STXBP2: variants seen among roughly 807,000 people sequenced by gnomAD.
STXBP2 encodes syntaxin-binding protein 2.
Under a neutral mutation model 72.2 loss-of-function variants are expected in STXBP2, and 47 were observed. The ratio of observed to expected loss-of-function variants is 0.65; its 90% CI spans 0.51 to 0.83. The LOEUF (loss-of-function observed/expected upper bound fraction) is 0.83. Among genes scored for constraint, STXBP2 ranks in the 40% least tolerant of loss-of-function variants. The pLI is 0.00. For missense variants in STXBP2, 702 were observed against 807.6 expected, an observed-to-expected ratio of 0.87 and a Z score of 1.58; for synonymous variants, 367 against 338.7, an observed-to-expected ratio of 1.08 and a Z score of -0.92.
In STXBP2 at chr19:7,638,683, C is replaced by G. The variant is rs1310337493; in HGVS notation, c.38-43C>G. The G allele has an allele frequency of 5.6e-6, 9 of 1,608,542 alleles. No homozygotes were observed. The South Asian group carries it at 9.9e-5, about 18-fold the overall frequency. On this transcript the variant is annotated intron_variant, in intron 1 of 18. Coordinates refer to ENST00000221283, the MANE Select transcript of STXBP2 (RefSeq NM_006949.4). ...GAGAAGGCTTGGGGCAGTGGTGGGA[C>G]CAGAGAACCAGCATTCTGACCCCTC...
chr19:7,641,295 G>C (rs931806644), intron 6 of STXBP2: 2 of 503,412 alleles, frequency 4.0e-6, no homozygotes, highest in East Asian at 7.6e-5. Flanking sequence ...GCTTGAGCCC[G>C]GGAGGTCGAG....
intron 15 of STXBP2, chr19:7,645,887 C>T (rs1254469395): frequency 1.5e-5 from 6 of 388,150 alleles, no homozygotes; most frequent in Admixed American, 4.7e-5. Flanking sequence ...GTCTTGCTCC[C>T]CTCCCCTCTC....
At chr19:7,636,223 A>T (rs2031527452), upstream of STXBP2, 2 of 152,212 alleles carry the variant, frequency 1.3e-5, no homozygotes, top group African/African-American at 2.4e-5. Flanking sequence ...GGCCGAGCGA[A>T]GGAACCAGCT....
intron 3 of STXBP2, 134 bp downstream of exon 3, chr19:7,639,234 AC>A: frequency 1.0e-6 from 1 of 953,152 alleles, no homozygotes; most frequent in Non-Finnish European, 1.7e-6. Context: ...AGCTCCCTGC[AC>A]GGACAGCCCG....
At chr19:7,630,820 C>G in the STXBP2 span, 15 of 1,537,118 alleles carry the variant, frequency 9.8e-6, no homozygotes, top group South Asian at 1.8e-4. Context: ...CTTTTCCTTA[C>G]AGAGGGAGCT....
At position 7,642,931 on chromosome 19, in the gene STXBP2, CA is replaced by C; in HGVS notation, c.961-51del. The C allele has an allele frequency of 6.2e-7, 1 of 1,611,650 alleles. No homozygotes were observed. On this transcript the variant is annotated intron_variant, in intron 11 of 18. Transcript: ENST00000221283. The surrounding 1 kb of genome is among the most constrained non-coding windows in gnomAD (Gnocchi z 6.0). ...GAGCCTGGACTGAGACCCAGGTGGG[CA>C]CTGCCTGGCTTCGCCCCCCAATCCC...
At chr19:7,641,326 C>A in intron 6 of STXBP2, 1 of 495,092 alleles carries the variant, frequency 2.0e-6, no homozygotes, top group Non-Finnish European at 3.7e-6. Flanking sequence ...GCTATGATTG[C>A]ACTGCTGCCC....
At chr19:7,647,301 C>T (rs1187527718) in intron 17 of STXBP2, 53 bp from the exon 18 acceptor site, 1 of 1,611,596 alleles carries the variant, frequency 6.2e-7, no homozygotes, top group African/African-American at 1.3e-5. Flanking sequence ...AGGTGGGCGG[C>T]CTGGCGGCGG....
In STXBP2 at chr19:7,643,046, A is replaced by G. The variant is rs773931525; in HGVS notation, c.1024A>G (p.Lys342Glu). 9 of 1,614,058 alleles carry G rather than the reference A, an allele frequency of 5.6e-6. No individual in the cohort carries two copies. Among genetic ancestry groups the G allele is most frequent in the Admixed American group, 5.0e-5 (3 of 60,006 alleles). ...KMPQYQKELN[K>E]YSTHLHLADD... ...GCCGCAGTACCAGAAGGAGCTGAAT[A>G]AGGTGTGCTCGGGTGGGCAGGGAGC... Residue 342 changes from lysine (K) to glutamate (E), a missense_variant and splice_region_variant, in exon 12 of 19, where the codon AAG becomes GAG. Physicochemically the swap from Lys to Glu is moderately conservative, Grantham distance 56 (BLOSUM62 1). Transcript: ENST00000221283.
chr19:7,630,959 C>T, the STXBP2 span: 20 of 1,356,776 alleles, frequency 1.5e-5, no homozygotes, highest in African/African-American at 2.9e-4. Flanking sequence ...CTTGTAATCC[C>T]AGGGCATGGG....
chr19:7,646,496 C>T lies in STXBP2; in HGVS notation c.1452+152C>T, dbSNP rs113382071. The T allele has an allele frequency of 3.8e-3, 2,911 of 766,926 alleles. 7 individuals are homozygous for T. Among genetic ancestry groups the T allele is most frequent in the Middle Eastern group, 7.4e-3 (24 of 3,256 alleles). The allele number at this position is 766,926 out of a possible 1,614,324, so 47.5% of individuals were successfully genotyped here. On this transcript the variant is annotated intron_variant, in intron 16 of 18. Coordinates refer to ENST00000221283, the MANE Select transcript of STXBP2 (RefSeq NM_006949.4). ...CCGATCTGCTCTGCTGAGGGGGGCA[C>T]GCCAAGCCCGCAGCTGAGGAATTGG...
chr19:7,640,699 C>T (rs1347071580), intron 4 of STXBP2, 32 bp from the exon 5 acceptor site: 2 of 1,614,110 alleles, frequency 1.2e-6, no homozygotes, highest in Admixed American at 3.3e-5. Flanking sequence ...GGTGTGCAGG[C>T]TCAGGCCCAG....
chr19:7,641,583 C>G, intron 6 of STXBP2, 122 bp from the exon 7 acceptor site: 3 of 1,374,020 alleles, frequency 2.2e-6, no homozygotes, highest in Non-Finnish European at 3.0e-6. Context: ...GCCTCCAATT[C>G]GGCAAAGCAG....
rs117761837 is a variant in STXBP2, at chr19:7,643,172, C to T, written c.1034C>T (p.Thr345Met). 22,434 of 1,614,038 alleles carry T rather than the reference C, an allele frequency of 0.014. 209 individuals are homozygous for T. The highest frequency in any genetic ancestry group is 0.032 in the Middle Eastern group (196 of 6,062). ...QYQKELNKYS[T>M]HLHLADDCMK... The stretch of plus-strand genomic sequence containing the variant: ...CCACCCTGCACCCTGCAGTATTCTA[C>T]GCACCTGCATCTAGCAGATGATTGT... The change falls in exon 13 of 19, where the codon ACG becomes ATG. Residue 345 changes from threonine to methionine, a missense_variant. Transcript: ENST00000221283.
At chr19:7,631,401 G>T in the STXBP2 span, 2 of 1,116,876 alleles carry the variant, frequency 1.8e-6, no homozygotes, top group South Asian at 3.1e-5. Context: ...GAGGTGGGCG[G>T]GGGGGGGTGG....
chr19:7,634,369 A>G (rs938064899), upstream of STXBP2, among the ~76,000 whole-genome samples: 4 of 152,154 alleles, frequency 2.6e-5, no homozygotes, highest in African/African-American at 9.7e-5. Flanking sequence ...GGGCTGCACT[A>G]TCACCACCTC....
At chr19:7,641,045 G>T in intron 6 of STXBP2, 42 bp downstream of exon 6, 2 of 1,597,090 alleles carry the variant, frequency 1.3e-6, no homozygotes, top group South Asian at 1.1e-5. Flanking sequence ...GGGGGTTTGT[G>T]ACCAAATGTC....
upstream of STXBP2, chr19:7,632,391 A>G (rs758039422): frequency 1.2e-6 from 2 of 1,613,508 alleles, no homozygotes; most frequent in African/African-American, 1.3e-5. This position sits in a 1 kb window ranked among gnomAD's most constrained non-coding sequence, Gnocchi z 5.2. Flanking sequence ...AACATCACCT[A>G]CCTTGGACCC....
intron 6 of STXBP2, chr19:7,641,284 C>A (rs901675804): frequency 3.9e-6 from 2 of 517,224 alleles, no homozygotes; most frequent in South Asian, 2.0e-5. Flanking sequence ...GTGGGAGAGT[C>A]GCTTGAGCCC....
Sources: allele counts gnomAD v4.1 joint callset (sites outside exome capture counted in the v4.1 genomes callset), GRCh38; gene constraint gnomAD v4.1.1; non-coding constraint Gnocchi (gnomAD v3.1); transcripts MANE v1.5; gene names NCBI Gene and HGNC (gene_info 2026-07-23, HGNC 2026-07-21).